The following PIEZO2 variants were observed in gnomAD, a reference collection of about 807,000 sequenced individuals.
The protein encoded by PIEZO2 is piezo-type mechanosensitive ion channel component 2.
A neutral mutation model predicts 337.3 loss-of-function variants in PIEZO2; 172 were observed. The observed-to-expected ratio is 0.51, with a 90% confidence interval of 0.45 to 0.58. PIEZO2 has a LOEUF of 0.58. PIEZO2 is among the 20% of genes least tolerant of loss of function. The probability of loss-of-function intolerance (pLI) is 0.00; values close to 1 mark genes in which losing one functional copy is unlikely to be tolerated. For synonymous variants in PIEZO2, 1,251 were observed against 1,228.5 expected (o/e 1.02, Z -0.38); for missense variants, 3,028 against 3,391.3 (o/e 0.89, Z 2.66).
At chr18:11,115,152 T>C (rs1441020466) in intron 1 of PIEZO2, among the ~76,000 whole-genome samples, 4 of 152,204 alleles carry the variant, frequency 2.6e-5, no homozygotes, top group African/African-American at 7.2e-5. Context: ...ACAGTTTGGT[T>C]ATAGACAGTT....
chr18:10,720,009 C>T (rs2036189597), intron 36 of PIEZO2, among the ~76,000 whole-genome samples: 1 of 151,902 alleles, frequency 6.6e-6, no homozygotes, highest in South Asian at 2.1e-4. Context: ...AGGATGTTGT[C>T]ATACTGTTGC....
chr18:10,706,769 C>G (rs7232089), intron 40 of PIEZO2, among the ~76,000 whole-genome samples: 45,831 of 151,990 alleles, frequency 0.3, 7,110 homozygotes, highest in East Asian at 0.4. Flanking sequence ...CAGCCACGGA[C>G]GGGAGAGGGG....
intron 4 of PIEZO2, among the ~76,000 whole-genome samples, chr18:10,906,088 C>T (rs907541731): frequency 2.0e-5 from 3 of 152,044 alleles, no homozygotes; most frequent in Non-Finnish European, 2.9e-5. Flanking sequence ...CTGCGGTCAC[C>T]CCAAAAGACA....
chr18:10,892,585 C>A (rs2042787692), intron 4 of PIEZO2, among the ~76,000 whole-genome samples: 2 of 151,208 alleles, frequency 1.3e-5, no homozygotes, highest in Admixed American at 6.6e-5. Flanking sequence ...TTTTCAAATT[C>A]ATAGAACTAC....
intron 3 of PIEZO2, among the ~76,000 whole-genome samples, chr18:10,944,571 A>C (rs146763333): frequency 0.079 from 11,388 of 143,978 alleles, 538 homozygotes; most frequent in Admixed American, 0.13. Context: ...ATATATATAT[A>C]TCTAAGTGAA....
At position 10,761,137 on chromosome 18, in the gene PIEZO2, G is replaced by A. The variant is rs778644618; in HGVS notation, c.3250-26C>T. 7.2e-6 allele frequency: 11 copies of A among 1,519,326 alleles called. No homozygotes were observed. The South Asian group carries it at 1.2e-4, about 17-fold the overall frequency. The allele number at this position is 1,519,326 out of a possible 1,614,324, so 94.1% of individuals were successfully genotyped here. On this transcript the variant is annotated intron_variant, in intron 23 of 55. Coordinates refer to ENST00000674853, the MANE Select transcript of PIEZO2 (RefSeq NM_001378183.1). ...CTACAAAGCAAGGAAACACAAATGT[G>A]TCAGCCAGAGGCTTTATGATTTGGT...
chr18:10,994,102 G>A (rs1273312019), intron 2 of PIEZO2, among the ~76,000 whole-genome samples: 3 of 152,122 alleles, frequency 2.0e-5, no homozygotes, highest in Admixed American at 2.0e-4. Context: ...GAGAGCATGC[G>A]ATATTTGGTT....
chr18:11,055,824 A>AGTGTGTGCACCCTTCCCCGTT (rs949801333), intron 2 of PIEZO2, among the ~76,000 whole-genome samples: 1 of 152,002 alleles, frequency 6.6e-6, no homozygotes, highest in African/African-American at 2.4e-5. Flanking sequence ...CATCTGGCCG[A>AGTGTGTGCACCCTTCCCCGTT]GTGTGTGCAC....
intron 27 of PIEZO2, among the ~76,000 whole-genome samples, 198 bp from the exon 28 acceptor site, chr18:10,753,077 G>A (rs770709024): frequency 2.0e-5 from 3 of 152,148 alleles, no homozygotes; most frequent in Admixed American, 1.3e-4. Flanking sequence ...TTTGGAAACC[G>A]TGTATGCTTC....
chr18:10,891,502 A>G (rs1158407681), intron 4 of PIEZO2, among the ~76,000 whole-genome samples: 1 of 152,214 alleles, frequency 6.6e-6, no homozygotes, highest in East Asian at 1.9e-4. Context: ...AGAAAGACAC[A>G]TGTTACATAC....
At chr18:11,067,548 G>C (rs1319008785) in intron 1 of PIEZO2, among the ~76,000 whole-genome samples, 1 of 152,148 alleles carries the variant, frequency 6.6e-6, no homozygotes, top group Non-Finnish European at 1.5e-5. Context: ...GATGGAAAAA[G>C]ATATTCTATG....
rs1315084775 is a variant in PIEZO2 at position 10,876,756 on chromosome 18, C to T, written c.330-5341G>A. On this transcript the variant is annotated intron_variant, in intron 4 of 55. Transcript: ENST00000674853. The stretch of plus-strand genomic sequence containing the variant: ...CCTGACAGCAAGCTCAGGCTTTTTA[C>T]TTTCTCACTTTGTGTTTGGAGCCAA... 2.0e-5 allele frequency among the ~76,000 whole-genome samples: 3 copies of T among 152,138 alleles called. No individual in the cohort carries two copies. In the East Asian group the frequency reaches 5.8e-4, roughly 29 times the overall value.
Position 10,736,597 on chromosome 18 carries a change from T to C in PIEZO2, c.4815+7A>G, listed in dbSNP as rs1398607317. On this transcript the variant is annotated splice_region_variant and intron_variant, in intron 34 of 55. Transcript: ENST00000674853. ...ACTAGCAAAGAAATGATTTTCCCCA[T>C]AATTACCTGGAATGCTGACCTTCGT... 1.3e-6 allele frequency: 2 copies of C among 1,536,872 alleles called. No homozygotes were observed. Among genetic ancestry groups the C allele is most frequent in the Non-Finnish European group, 1.7e-6 (2 of 1,146,836 alleles).
intron 1 of PIEZO2, among the ~76,000 whole-genome samples, chr18:11,114,404 G>A (rs986775731): frequency 3.9e-5 from 6 of 152,196 alleles, no homozygotes; most frequent in African/African-American, 9.6e-5. Context: ...GGTGGCTCAC[G>A]CCTGTAATCC....
At chr18:10,730,957 A>C (rs1262908570) in intron 36 of PIEZO2, among the ~76,000 whole-genome samples, 1 of 151,936 alleles carries the variant, frequency 6.6e-6, no homozygotes, top group East Asian at 1.9e-4. Context: ...CGATCTCCTG[A>C]CCTCGTGATC....
chr18:10,776,471 C>G (rs1440540147), intron 18 of PIEZO2, among the ~76,000 whole-genome samples: 1 of 152,074 alleles, frequency 6.6e-6, no homozygotes, highest in Non-Finnish European at 1.5e-5. Flanking sequence ...TTTGTAAGAG[C>G]CTGCACAATG....
rs2039298766 is a variant in PIEZO2, at chr18:11,097,661, T to G, written c.65-31439A>C. On this transcript the variant is annotated intron_variant, in intron 1 of 55. Transcript: ENST00000674853. The surrounding 1 kb of genome is among the most constrained non-coding windows in gnomAD (Gnocchi z 5.0). ...TATTAGTTTCATTTCAAGTCCTCTT[T>G]AGTAGATTTTCACCTGACTGTATTT... Among the ~76,000 whole-genome samples the G allele has an allele frequency of 6.6e-6, 1 of 152,236 alleles. No individual in the cohort carries two copies. Among genetic ancestry groups the G allele is most frequent in the South Asian group, 2.1e-4 (1 of 4,836 alleles).
Position 10,702,079 on chromosome 18 carries a change from TG to T in PIEZO2, c.6350del (p.Pro2117GlnfsTer4). On this transcript the variant is annotated frameshift_variant, in exon 43 of 56. Transcript: ENST00000674853. LOFTEE classifies it high-confidence loss of function. Reference protein sequence around the residue: ...EVNKDKPYHPPNIIGVEKKEG... With the variant: ...EVNKDKPYHPXNIIGVEKKEG... Reference sequence around the variant, plus strand: ...CCTTCTTTTCCACTCCTATGATGTTTGGGGGGTGATACGGTTTATCTTTGTT... The same window carrying T: ...CCTTCTTTTCCACTCCTATGATGTTTGGGGGTGATACGGTTTATCTTTGTT... 6.5e-7 allele frequency: 1 copy of T among 1,537,046 alleles called. No individual in the cohort carries two copies. Among genetic ancestry groups the T allele is most frequent in the Non-Finnish European group, 8.7e-7 (1 of 1,146,834 alleles).
At chr18:11,124,269 T>C (rs2040118194) in intron 1 of PIEZO2, among the ~76,000 whole-genome samples, 1 of 152,198 alleles carries the variant, frequency 6.6e-6, no homozygotes, top group South Asian at 2.1e-4. Context: ...ATCAGATCGT[T>C]TGGCTACTTT....
Sources: gnomAD v4.1 joint callset for allele counts (sites outside exome capture counted in the v4.1 genomes callset) on GRCh38, gnomAD v4.1.1 for gene constraint, Gnocchi (gnomAD v3.1) non-coding constraint, MANE v1.5 for transcripts, NCBI Gene and HGNC (gene_info 2026-07-23, HGNC 2026-07-21) for gene names.